Variants in PTPRT observed in about 807,000 individuals in gnomAD.
PTPRT encodes protein tyrosine phosphatase receptor type T, also known as receptor-type tyrosine-protein phosphatase T.
In PTPRT, 56 loss-of-function variants were observed where a neutral mutation model predicts 176.8. That is an observed-to-expected ratio of 0.32 (90% CI 0.26 to 0.40). PTPRT has a LOEUF of 0.40. PTPRT is among the 10% of genes least tolerant of loss of function. The pLI is 1.00. For synonymous variants in PTPRT, 783 were observed against 739.0 expected (o/e 1.06, Z -0.96); for missense variants, 1,540 against 1,908.2 (o/e 0.81, Z 3.60).
At chr20:42,790,815 T>G (rs1227043445) in intron 3 of PTPRT, among the ~76,000 whole-genome samples, 2 of 152,160 alleles carry the variant, frequency 1.3e-5, no homozygotes, top group African/African-American at 2.4e-5. Context: ...AGGGTGATCT[T>G]TTACGAGTTA....
chr20:42,408,915 T>C (rs537435094), intron 9 of PTPRT, among the ~76,000 whole-genome samples: 111 of 152,334 alleles, frequency 7.3e-4, no homozygotes, highest in African/African-American at 2.2e-3. Flanking sequence ...GGTAATCACA[T>C]GGGTGAAGGG....
intron 1 of PTPRT, among the ~76,000 whole-genome samples, chr20:43,164,667 G>A (rs1462998153): frequency 6.6e-6 from 1 of 152,204 alleles, no homozygotes; most frequent in East Asian, 1.9e-4. Context: ...AGCCTTTGCA[G>A]GGCATACGGT....
At chr20:43,089,798 C>G (rs968372955) in intron 1 of PTPRT, among the ~76,000 whole-genome samples, 2 of 152,186 alleles carry the variant, frequency 1.3e-5, no homozygotes, top group Non-Finnish European at 2.9e-5. Context: ...CACCTCTCAC[C>G]TCTTCCCCCA....
intron 6 of PTPRT, among the ~76,000 whole-genome samples, chr20:42,718,796 A>G (rs2076264416): frequency 6.6e-6 from 1 of 152,148 alleles, no homozygotes; most frequent in Non-Finnish European, 1.5e-5. Flanking sequence ...ACATTATTAT[A>G]TTCAGTTATA....
At chr20:42,914,517 C>T (rs1978605577) in intron 1 of PTPRT, among the ~76,000 whole-genome samples, 1 of 152,176 alleles carries the variant, frequency 6.6e-6, no homozygotes, top group South Asian at 2.1e-4. Context: ...AACGAATGAC[C>T]TATTGACGCT....
At position 42,645,762 on chromosome 20, in the gene PTPRT, T is replaced by TTG. The variant is rs1324109060; in HGVS notation, c.1153+32103_1153+32104insCA. Among the ~76,000 whole-genome samples, 425 of 127,920 alleles carry TTG rather than the reference T, an allele frequency of 3.3e-3. 8 individuals carry two copies. The highest frequency in any genetic ancestry group is 0.013 in the African/African-American group (410 of 31,774). 83.9% of individuals were successfully genotyped at this position (127,920 alleles called of 152,430 possible). A position where few individuals can be genotyped will look rare whatever the true frequency, so the allele number is the denominator to read the frequency against. On this transcript the variant is annotated intron_variant, in intron 7 of 30. Coordinates refer to ENST00000373187, the MANE Select transcript of PTPRT (RefSeq NM_007050.6). ...TGTATGTTTCAGATGGGATGTGTAT[T>TTG]TATGTGTGTGTGTGTGTGTGTGTGT... is the stretch of plus-strand genomic sequence containing the variant.
chr20:42,750,526 A>C (rs762383704), intron 6 of PTPRT, among the ~76,000 whole-genome samples: 1 of 152,100 alleles, frequency 6.6e-6, no homozygotes, highest in Non-Finnish European at 1.5e-5. Flanking sequence ...AATAATCCCT[A>C]CTCTTGATCC....
intron 1 of PTPRT, among the ~76,000 whole-genome samples, chr20:43,079,267 T>C (rs970565328): frequency 6.8e-6 from 1 of 147,238 alleles, no homozygotes; most frequent in Non-Finnish European, 1.5e-5. Context: ...TAAGCACCAT[T>C]TCTGTTCTTC....
At chr20:42,110,275 C>T (rs2146289735) in intron 23 of PTPRT, 58 bp downstream of exon 23, 1 of 1,511,178 alleles carries the variant, frequency 6.6e-7, no homozygotes, top group Non-Finnish European at 8.9e-7. Flanking sequence ...TGGTCTCGAA[C>T]TCCTGACCTC....
chr20:42,878,461 A>T (rs1212576095), intron 2 of PTPRT, among the ~76,000 whole-genome samples: 1 of 152,218 alleles, frequency 6.6e-6, no homozygotes, highest in Non-Finnish European at 1.5e-5. Context: ...CTGCAAGTAG[A>T]AACAATTTTT....
chr20:43,049,328 CA>C (rs1986959363), intron 1 of PTPRT, among the ~76,000 whole-genome samples: 1 of 64,646 alleles, frequency 1.5e-5, no homozygotes, highest in Non-Finnish European at 2.4e-5. Context: ...CCATGTAAAA[CA>C]TACATACATA....
intron 1 of PTPRT, among the ~76,000 whole-genome samples, chr20:43,038,268 G>C (rs1986465198): frequency 6.6e-6 from 1 of 151,952 alleles, no homozygotes; most frequent in Admixed American, 6.6e-5. Flanking sequence ...TTAAGGAGCT[G>C]TATAAAATAC....
intron 1 of PTPRT, among the ~76,000 whole-genome samples, chr20:43,135,700 G>A (rs2013809163): frequency 6.6e-6 from 1 of 152,204 alleles, no homozygotes; most frequent in South Asian, 2.1e-4. Context: ...ATCTTACAAA[G>A]TACAACAATA....
chr20:42,461,863 T>G (rs1200875720), intron 8 of PTPRT, among the ~76,000 whole-genome samples: 1 of 151,534 alleles, frequency 6.6e-6, no homozygotes. Context: ...TAGAGCTGGG[T>G]GTTTCTGGGT....
intron 7 of PTPRT, among the ~76,000 whole-genome samples, chr20:42,553,471 T>C (rs1486813106): frequency 6.6e-6 from 1 of 152,128 alleles, no homozygotes; most frequent in African/African-American, 2.4e-5. Flanking sequence ...GCTGTCTTCC[T>C]TTCTCCTTTC....
intron 1 of PTPRT, among the ~76,000 whole-genome samples, chr20:43,158,888 A>G (rs2014604664): frequency 6.6e-6 from 1 of 152,242 alleles, no homozygotes; most frequent in Non-Finnish European, 1.5e-5. Context: ...TATATTGTGC[A>G]GTAAGTGACA....
chr20:42,073,620 C>G lies in PTPRT; in HGVS notation c.*7259G>C, dbSNP rs1158083073. ...TGAGAGATCTACATGGGTATTGGGT[C>G]TATGGCAAAGCAGCTGTTCCCTATG... On this transcript the variant is annotated 3_prime_UTR_variant, in exon 31 of 31. Coordinates refer to ENST00000373187, the MANE Select transcript of PTPRT (RefSeq NM_007050.6). 4.7e-6 allele frequency: 1 copy of G among 212,408 alleles called. No individual in the cohort carries two copies. Among genetic ancestry groups the G allele is most frequent in the East Asian group, 7.2e-5 (1 of 13,824 alleles). The allele number at this position is 212,408 out of a possible 1,614,324, so 13.2% of individuals were successfully genotyped here.
At chr20:43,088,537 A>G (rs1011342840) in intron 1 of PTPRT, among the ~76,000 whole-genome samples, 2 of 151,996 alleles carry the variant, frequency 1.3e-5, no homozygotes, top group Non-Finnish European at 2.9e-5. Flanking sequence ...CACCATCAGG[A>G]AAGTACAGAC....
At chr20:42,620,598 G>A (rs1294298869) in intron 7 of PTPRT, among the ~76,000 whole-genome samples, 3 of 152,080 alleles carry the variant, frequency 2.0e-5, no homozygotes, top group African/African-American at 4.8e-5. Context: ...GCGAGATTCC[G>A]TGGGCGTAGG....
Sources: allele counts gnomAD v4.1 joint callset (sites outside exome capture counted in the v4.1 genomes callset), GRCh38; gene constraint gnomAD v4.1.1; transcripts MANE v1.5; gene names NCBI Gene and HGNC (gene_info 2026-07-23, HGNC 2026-07-21).